Variants in BRI3BP observed in about 807,000 individuals in gnomAD.
The protein encoded by BRI3BP is BRI3 binding protein.
Under a neutral mutation model 15.8 loss-of-function variants are expected in BRI3BP, and 7 were observed. The observed-to-expected ratio is 0.44, with a 90% confidence interval of 0.25 to 0.83. The LOEUF is 0.83. Ranked by LOEUF, BRI3BP falls within the 40% of genes least tolerant of loss-of-function variation. The pLI, the probability that BRI3BP is intolerant of heterozygous loss-of-function variation, is 0.20. For synonymous variants in BRI3BP, 192 were observed against 163.5 expected (o/e 1.17, Z -1.33); for missense variants, 320 against 339.3 (o/e 0.94, Z 0.45).
At chr12:125,016,851 T>G in intron 2 of BRI3BP, among the ~76,000 whole-genome samples, 1 of 75,104 alleles carries the variant, frequency 1.3e-5, no homozygotes. Flanking sequence ...TTTTTTTTTT[T>G]TGAGACAGAG....
the BRI3BP span, among the ~76,000 whole-genome samples, chr12:125,038,387 C>G: frequency 6.6e-6 from 1 of 152,162 alleles, no homozygotes; most frequent in African/African-American, 2.4e-5. Context: ...ATGTTTGACA[C>G]TATATTAAAC....
At chr12:125,048,483 A>C in the BRI3BP span, among the ~76,000 whole-genome samples, 2 of 151,276 alleles carry the variant, frequency 1.3e-5, no homozygotes, top group Non-Finnish European at 1.5e-5. Flanking sequence ...GTTCTCACTC[A>C]GATGGGAATT....
chr12:124,993,910 C>G lies in BRI3BP; in HGVS notation c.120C>G (p.Gly40=). 7.7e-7 allele frequency: 1 copy of G among 1,291,968 alleles called. No homozygotes were observed. 80.0% of individuals were successfully genotyped at this position (1,291,968 alleles called of 1,614,324 possible). Residue 40 remains glycine (G), a synonymous_variant, in exon 1 of 3, where the codon GGC becomes GGG. Coordinates refer to ENST00000341446, the MANE Select transcript of BRI3BP (RefSeq NM_080626.6). ...CGCAGGGGGCGCGGGGCCGCGGCGG[C>G]GCGGAGAAGAACAGCTACCGCCGCA... ...PGAQGARGRG[G]AEKNSYRRTV... is the part of the protein sequence containing the mutation.
At chr12:125,007,554 A>G (rs1955156047) in intron 1 of BRI3BP, among the ~76,000 whole-genome samples, 1 of 151,972 alleles carries the variant, frequency 6.6e-6, no homozygotes, top group Non-Finnish European at 1.5e-5. Flanking sequence ...GTCTCAGGAA[A>G]AAAAAATGTA....
the BRI3BP span, among the ~76,000 whole-genome samples, chr12:125,044,799 T>A: frequency 6.6e-6 from 1 of 151,912 alleles, no homozygotes; most frequent in East Asian, 1.9e-4. Context: ...AGAGACAGAG[T>A]CTTGCTATGT....
intron 1 of BRI3BP, among the ~76,000 whole-genome samples, chr12:125,008,727 G>A (rs1287265775): frequency 3.9e-5 from 6 of 152,058 alleles, no homozygotes; most frequent in Admixed American, 2.6e-4. Context: ...TGATTCAGGC[G>A]CATTACGTTT....
intron 1 of BRI3BP, among the ~76,000 whole-genome samples, chr12:125,009,382 C>G (rs1332437417): frequency 6.6e-6 from 1 of 150,808 alleles, no homozygotes; most frequent in African/African-American, 2.4e-5. Context: ...CTCTGCCTCC[C>G]AGGTTCAAGC....
At chr12:125,010,418 C>T (rs1594531963) in intron 1 of BRI3BP, among the ~76,000 whole-genome samples, 1 of 152,274 alleles carries the variant, frequency 6.6e-6, no homozygotes, top group Non-Finnish European at 1.5e-5. Context: ...TCTCCTGGTC[C>T]CTGATTCAGC....
At chr12:125,016,297 T>C (rs1263198448) in intron 2 of BRI3BP, among the ~76,000 whole-genome samples, 3 of 151,738 alleles carry the variant, frequency 2.0e-5, no homozygotes, top group African/African-American at 7.3e-5. Context: ...ACACCAACGT[T>C]GGATATTCTG....
intron 1 of BRI3BP, among the ~76,000 whole-genome samples, chr12:124,998,641 C>A (rs973897385): frequency 1.3e-5 from 2 of 152,076 alleles, no homozygotes; most frequent in African/African-American, 4.8e-5. Flanking sequence ...CTTAATTGAT[C>A]TAGGGTTTCC....
At chr12:125,019,020 G>A (rs1266838977) in intron 2 of BRI3BP, among the ~76,000 whole-genome samples, 1 of 152,024 alleles carries the variant, frequency 6.6e-6, no homozygotes, top group African/African-American at 2.4e-5. Flanking sequence ...CACCACGCCT[G>A]GCTAATTTTT....
intron 1 of BRI3BP, among the ~76,000 whole-genome samples, chr12:125,009,085 C>T (rs1472231447): frequency 6.8e-6 from 1 of 147,708 alleles, no homozygotes; most frequent in Non-Finnish European, 1.5e-5. Flanking sequence ...AAGCGATTCT[C>T]CTGCCTCAGT....
intron 1 of BRI3BP, among the ~76,000 whole-genome samples, chr12:125,009,331 C>T (rs1174685613): frequency 1.4e-5 from 2 of 139,108 alleles, no homozygotes; most frequent in African/African-American, 5.4e-5. Context: ...CCTCTATCAC[C>T]CAGGCTGGAG....
chr12:125,049,768 T>A, the BRI3BP span, among the ~76,000 whole-genome samples: 2 of 152,162 alleles, frequency 1.3e-5, no homozygotes, highest in South Asian at 2.1e-4. Context: ...CCTGGGCCGA[T>A]GTGGCCCAAC....
At chr12:125,016,142 G>A (rs1465520982) in intron 2 of BRI3BP, among the ~76,000 whole-genome samples, 3 of 152,168 alleles carry the variant, frequency 2.0e-5, no homozygotes, top group Admixed American at 6.5e-5. Context: ...AGCAGCTGGC[G>A]CGTTCTGGAG....
intron 2 of BRI3BP, among the ~76,000 whole-genome samples, chr12:125,014,102 A>G (rs1955219374): frequency 6.6e-6 from 1 of 152,152 alleles, no homozygotes; most frequent in African/African-American, 2.4e-5. Flanking sequence ...CTTCAGAGGC[A>G]TCCCATGCTC....
chr12:125,022,541 A>ATTTATTTATTTATTTTTTTATTTTTTTTT, intron 2 of BRI3BP, among the ~76,000 whole-genome samples: 7 of 139,404 alleles, frequency 5.0e-5, no homozygotes, highest in African/African-American at 2.0e-4. Flanking sequence ...TTATTTATTT[A>ATTTATTTATTTATTTTTTTATTTTTTTTT]TTTTTTGAGA....
intron 2 of BRI3BP, among the ~76,000 whole-genome samples, chr12:125,024,052 C>T (rs1955324258): frequency 6.6e-6 from 1 of 152,164 alleles, no homozygotes; most frequent in African/African-American, 2.4e-5. Context: ...ACCTCAAAAA[C>T]ACAAACAAAA....
intron 2 of BRI3BP, among the ~76,000 whole-genome samples, chr12:125,024,370 T>G (rs1330840859): frequency 6.6e-6 from 1 of 150,712 alleles, no homozygotes; most frequent in Non-Finnish European, 1.5e-5. Context: ...CAAGATGAGA[T>G]TTGTGTGGGA....
Sources: gnomAD v4.1 joint callset for allele counts (sites outside exome capture counted in the v4.1 genomes callset) on GRCh38, gnomAD v4.1.1 for gene constraint, MANE v1.5 for transcripts, NCBI Gene and HGNC (gene_info 2026-07-23, HGNC 2026-07-21) for gene names.